NCBP2: variants seen among roughly 807,000 people sequenced by gnomAD.
NCBP2 encodes nuclear cap binding protein subunit 2, also known as nuclear cap-binding protein subunit 2.
In NCBP2, 8 loss-of-function variants were observed where a neutral mutation model predicts 21.5. That is an observed-to-expected ratio of 0.37 (90% confidence interval 0.22 to 0.67). The LOEUF (loss-of-function observed/expected upper bound fraction) is 0.67, where lower values mean the gene tolerates loss of function less well. Ranked by LOEUF, NCBP2 falls within the 30% of genes least tolerant of loss-of-function variation. The probability of loss-of-function intolerance (pLI) is 0.56; values close to 1 mark genes in which losing one functional copy is unlikely to be tolerated. For synonymous variants in NCBP2, 92 were observed against 75.8 expected (o/e 1.21, Z -1.11); for missense variants, 127 against 206.9 (o/e 0.61, Z 2.37).
intron 1 of NCBP2, among the ~76,000 whole-genome samples, chr3:196,940,775 CTAAAG>C (rs1180040772): frequency 2.6e-5 from 4 of 152,216 alleles, no homozygotes; most frequent in African/African-American, 4.8e-5. Flanking sequence ...GTGGAACTGT[CTAAAG>C]TAGTAACTAA....
Position 196,937,597 on chromosome 3 carries a change from C to T in NCBP2, c.312G>A (p.Thr104=), listed in dbSNP as rs768917853. The T allele has an allele frequency of 2.0e-5, 32 of 1,614,082 alleles. No individual in the cohort carries two copies. Among genetic ancestry groups the T allele is most frequent in the Admixed American group, 3.3e-5 (2 of 60,010 alleles). The change falls in exon 3 of 4, where the codon ACG becomes ACA. Residue 104 remains threonine (T), a synonymous_variant. Coordinates refer to ENST00000321256, the MANE Select transcript of NCBP2 (RefSeq NM_007362.5). The part of the protein sequence containing the change: ...AENAMRYING[T]RLDDRIIRTD... ...TGCGAATGATTCGGTCATCCAGACG[C>T]GTCCCATTTATGTACCGCATGGCGT...
chr3:196,938,661 C>G (rs1716379913), intron 2 of NCBP2: 1 of 152,240 alleles, frequency 6.6e-6, no homozygotes, highest in Non-Finnish European at 1.5e-5. Flanking sequence ...AAGATGGGGT[C>G]TTAACCCGTC....
At chr3:196,940,429 A>C (rs552651928) in intron 1 of NCBP2, among the ~76,000 whole-genome samples, 21 of 152,086 alleles carry the variant, frequency 1.4e-4, no homozygotes, top group African/African-American at 5.1e-4. Context: ...GGTTTTCGGA[A>C]CTTTGGAGTG....
At position 196,936,264 on chromosome 3, in the gene NCBP2, G is replaced by A. The variant is rs1431165252; in HGVS notation, c.*747C>T. ...GTTCTGGCCTCATTTCCTGATGTAT[G>A]AAGCATGGAAGCAGTGCTGTCCTGT... On this transcript the variant is annotated 3_prime_UTR_variant, in exon 4 of 4. Coordinates refer to ENST00000321256, the MANE Select transcript of NCBP2 (RefSeq NM_007362.5). The A allele has an allele frequency of 6.6e-6, 1 of 152,184 alleles. No homozygotes were observed. Among genetic ancestry groups the A allele is most frequent in the Non-Finnish European group, 1.5e-5 (1 of 68,052 alleles). The allele number at this position is 152,184 out of a possible 1,614,324, so 9.4% of individuals were successfully genotyped here. A position where few individuals can be genotyped will look rare whatever the true frequency, so the allele number is the denominator to read the frequency against.
At chr3:196,941,233 CA>C (rs1716541780) in intron 1 of NCBP2, 1 of 152,194 alleles carries the variant, frequency 6.6e-6, no homozygotes, top group African/African-American at 2.4e-5. Flanking sequence ...GCTGGGATTA[CA>C]AGCGCCTGCC....
chr3:196,941,101 A>G (rs1385409574), intron 1 of NCBP2: 4 of 141,760 alleles, frequency 2.8e-5, no homozygotes, highest in Non-Finnish European at 4.8e-5. Flanking sequence ...TTAACTGAAT[A>G]AATTTTTTTT....
chr3:196,942,105 T>A, intron 1 of NCBP2: 1 of 1,486,012 alleles, frequency 6.7e-7, no homozygotes, highest in Non-Finnish European at 8.9e-7. Flanking sequence ...TACGTAGTCG[T>A]CTGCGGAGGC....
chr3:196,940,518 TC>T (rs1398808589), intron 1 of NCBP2, among the ~76,000 whole-genome samples: 1 of 149,144 alleles, frequency 6.7e-6, no homozygotes, highest in Non-Finnish European at 1.5e-5. Context: ...ATCTTCTTTT[TC>T]TACTTTTCTC....
At chr3:196,937,131 C>G in intron 3 of NCBP2, 49 bp from the exon 4 acceptor site, 1 of 1,533,378 alleles carries the variant, frequency 6.5e-7, no homozygotes, top group Non-Finnish European at 9.0e-7. Flanking sequence ...AATGGTGTAA[C>G]AAATATGCCT....
intron 1 of NCBP2, 93 bp downstream of exon 1, chr3:196,942,332 AG>A (rs1351341562): frequency 6.5e-7 from 1 of 1,543,806 alleles, no homozygotes; most frequent in Admixed American, 2.0e-5. Flanking sequence ...TGCGGATTTC[AG>A]CTGAATGGGA....
chr3:196,937,276 C>G, intron 3 of NCBP2, 194 bp from the exon 4 acceptor site: 1 of 759,652 alleles, frequency 1.3e-6, no homozygotes. Context: ...GTGGAAGATA[C>G]CTAGCCCTAG....
At chr3:196,939,698 C>T (rs9830206) in intron 1 of NCBP2, among the ~76,000 whole-genome samples, 28,279 of 152,186 alleles carry the variant, frequency 0.19, 3,520 homozygotes, top group Non-Finnish European at 0.24. Context: ...ACGCAAGCGG[C>T]TTCCCTTTTC....
At chr3:196,942,371 G>A in intron 1 of NCBP2, 55 bp downstream of exon 1, 1 of 1,586,094 alleles carries the variant, frequency 6.3e-7, no homozygotes, top group Non-Finnish European at 8.6e-7. Flanking sequence ...AGAGCAAACC[G>A]TTTCTCAGCG....
chr3:196,939,120 C>T (rs1716406254), intron 2 of NCBP2, 131 bp downstream of exon 2: 2 of 713,888 alleles, frequency 2.8e-6, no homozygotes, highest in Middle Eastern at 2.7e-4. Context: ...AGTATAAGGG[C>T]AGAGACACAC....
At chr3:196,938,531 C>G (rs1461496600) in intron 2 of NCBP2, 2 of 152,144 alleles carry the variant, frequency 1.3e-5, no homozygotes, top group Non-Finnish European at 2.9e-5. Context: ...TTAAAAGAGT[C>G]TGAGTAAGGG....
chr3:196,938,016 C>G (rs1716347399), intron 2 of NCBP2: 1 of 186,278 alleles, frequency 5.4e-6, no homozygotes. Flanking sequence ...GAGAAGGTCA[C>G]CGTGCACGTG....
At chr3:196,942,134 G>A in intron 1 of NCBP2, 2 of 1,465,626 alleles carry the variant, frequency 1.4e-6, no homozygotes, top group Non-Finnish European at 1.8e-6. Context: ...GGAAACGGGA[G>A]CCGCCACCAC....
rs1044181494 is a variant in NCBP2 at position 196,942,170 on chromosome 3, T to C, written c.78+256A>G. ...CACCACCGCTCAAACCTCTCGGCAC[T>C]GGCTGGGGTACAGGGAGCGGCTGCG... On this transcript the variant is annotated intron_variant, in intron 1 of 3. Transcript: ENST00000321256. The C allele has an allele frequency of 6.2e-6, 9 of 1,457,410 alleles. No individual in the cohort carries two copies. The African/African-American group carries it at 1.0e-4, about 16-fold the overall frequency. The allele number at this position is 1,457,410 out of a possible 1,614,324, so 90.3% of individuals were successfully genotyped here.
At chr3:196,942,230 C>T in intron 1 of NCBP2, 196 bp downstream of exon 1, 1 of 1,462,846 alleles carries the variant, frequency 6.8e-7, no homozygotes, top group South Asian at 1.4e-5. Flanking sequence ...AGTTCCCCGT[C>T]TTCCAGAGCA....
Sources: gnomAD v4.1 joint callset for allele counts (sites outside exome capture counted in the v4.1 genomes callset) on GRCh38, gnomAD v4.1.1 for gene constraint, MANE v1.5 for transcripts, NCBI Gene and HGNC (gene_info 2026-07-23, HGNC 2026-07-21) for gene names.